The following GRHL3 variants were observed in gnomAD, a reference collection of about 807,000 sequenced individuals.
GRHL3 encodes grainyhead-like protein 3 homolog.
In GRHL3, 20 loss-of-function variants were observed where a neutral mutation model predicts 70.3. The ratio of observed to expected loss-of-function variants is 0.28; its 90% CI spans 0.20 to 0.41. GRHL3 has a LOEUF of 0.41. GRHL3 is among the 10% of genes least tolerant of loss of function. GRHL3 has a pLI of 1.00. For synonymous variants in GRHL3, 299 were observed against 299.9 expected, an observed-to-expected ratio of 1.00 and a Z score of 0.03; for missense variants, 637 against 762.3, an observed-to-expected ratio of 0.84 and a Z score of 1.94.
In GRHL3 at chr1:24,342,824, G is replaced by A. The variant is rs763612065; in HGVS notation, c.1285+52G>A. The A allele has an allele frequency of 1.2e-6, 2 of 1,613,882 alleles. No homozygotes were observed. Among genetic ancestry groups the A allele is most frequent in the Non-Finnish European group, 1.7e-6 (2 of 1,179,728 alleles). ...GGCTCGGCTGGCGTGAAGGGGAGAA[G>A]GAGACCAGAGGTGGGAGGGACTTGA... On this transcript the variant is annotated intron_variant, in intron 10 of 15. Transcript: ENST00000361548. The surrounding 1 kb of genome is among the most constrained non-coding windows in gnomAD (Gnocchi z 4.8).
intron 15 of GRHL3, chr1:24,360,781 T>C: frequency 7.1e-7 from 1 of 1,408,308 alleles, no homozygotes; most frequent in Non-Finnish European, 9.6e-7. Context: ...CAATGGCATT[T>C]GATGACCCAA....
intron 15 of GRHL3, among the ~76,000 whole-genome samples, chr1:24,360,333 C>G: frequency 6.6e-6 from 1 of 152,148 alleles, no homozygotes; most frequent in East Asian, 1.9e-4. Flanking sequence ...CCTGTAATTC[C>G]AGCTACTTGG....
At chr1:24,353,786 G>A (rs76904385) in intron 15 of GRHL3, among the ~76,000 whole-genome samples, 4,944 of 152,248 alleles carry the variant, frequency 0.032, 98 homozygotes, top group Middle Eastern at 0.048. Context: ...TGAAGATTCC[G>A]TCTCTCTCAG....
At position 24,338,112 on chromosome 1, in the gene GRHL3, C is replaced by A; in HGVS notation, c.952+9C>A. ...GCGGGTCATTGACGTGGGTGAGAGC[C>A]TTCTCAAGCCTCCATTCCAGCTCCC... On this transcript the variant is annotated intron_variant, in intron 7 of 15. Coordinates refer to ENST00000361548, the MANE Select transcript of GRHL3 (RefSeq NM_198173.3). 6.4e-7 allele frequency: 1 copy of A among 1,565,690 alleles called. No homozygotes were observed. The highest frequency in any genetic ancestry group is 8.7e-7 in the Non-Finnish European group (1 of 1,147,888).
In GRHL3 at chr1:24,336,719, T is replaced by C. The variant is rs1422437452; in HGVS notation, c.504T>C (p.Thr168=). The part of the protein sequence containing the change: ...GSVDSYLLPT[T]DMYDNGSLNS... ...TGGACAGCTACCTGTTACCCACCAC[T>C]GATATGTATGATAATGGCTCCCTCA... is the stretch of plus-strand genomic sequence containing the variant. The change falls in exon 4 of 16, where the codon ACT becomes ACC. Residue 168 remains threonine (T), a synonymous_variant. Transcript: ENST00000361548. 2.5e-6 allele frequency: 4 copies of C among 1,613,990 alleles called. No individual in the cohort carries two copies. The highest frequency in any genetic ancestry group is 1.7e-5 in the Admixed American group (1 of 60,006).
At chr1:24,330,040 G>A (rs781518391) in intron 1 of GRHL3, among the ~76,000 whole-genome samples, 1 of 152,186 alleles carries the variant, frequency 6.6e-6, no homozygotes, top group Non-Finnish European at 1.5e-5. Context: ...AGACACTCCA[G>A]GGGTGGGGCC....
rs373187060 is a variant in GRHL3 at position 24,339,749 on chromosome 1, A to G, written c.1034A>G (p.Asn345Ser). ...GCACTGTCCTTTGTGTGGAACGTGA[A>G]TGAAGAGGCCAAGGTCAGTGCTGAG... is the stretch of plus-strand genomic sequence containing the variant. ...YNALSFVWNV[N>S]EEAKVFIGVN... is the part of the protein sequence containing the mutation. The change falls in exon 8 of 16, where the codon AAT becomes AGT. Residue 345 changes from asparagine (N) to serine (S), a missense_variant. Transcript: ENST00000361548. 3 of 1,611,696 alleles carry G rather than the reference A, an allele frequency of 1.9e-6. No individual in the cohort carries two copies. The highest frequency in any genetic ancestry group is 2.7e-5 in the African/African-American group (2 of 74,904).
chr1:24,319,628 C>T lies in GRHL3; in HGVS notation c.17+60C>T, dbSNP rs1639102924. 12 of 1,612,882 alleles carry T rather than the reference C, an allele frequency of 7.4e-6. No individual in the cohort carries two copies. In the South Asian group the frequency reaches 9.9e-5, roughly 13 times the overall value. ...GAGCGTGGAGGCTGGATGGGGTTTC[C>T]TGGAGGGGGAAGAGCGGGGAGGCCG... On this transcript the variant is annotated intron_variant, in intron 1 of 15. Coordinates refer to ENST00000361548, the MANE Select transcript of GRHL3 (RefSeq NM_198173.3).
At position 24,342,954 on chromosome 1, in the gene GRHL3, A is replaced by G. The variant is rs1640106488; in HGVS notation, c.1348A>G (p.Thr450Ala). The G allele has an allele frequency of 3.1e-6, 5 of 1,613,884 alleles. No individual in the cohort carries two copies. The highest frequency in any genetic ancestry group is 4.2e-6 in the Non-Finnish European group (5 of 1,180,006). The stretch of plus-strand genomic sequence containing the variant: ...TGAGACGACCTACCTTCGGCCAGAG[A>G]CTGACCTGGAGACGCCACCCGTGCT... ...GNETTYLRPE[T>A]DLETPPVLFI... Residue 450 changes from threonine to alanine, a missense_variant, in exon 11 of 16, where the codon ACT (threonine) becomes GCT (alanine). Physicochemically the swap from Thr to Ala is moderately conservative, Grantham distance 58. Transcript: ENST00000361548. The surrounding 1 kb of genome is among the most constrained non-coding windows in gnomAD (Gnocchi z 4.8).
rs1639881653 is a variant in GRHL3, at chr1:24,337,794, G to A, written c.840+5G>A. Reference sequence around the variant, plus strand: ...TTGTCCTCCAACAAAGTCAAGGTGCGTTGGCCTGGAGCAGCTTCAGAAGGG... The same window carrying A: ...TTGTCCTCCAACAAAGTCAAGGTGCATTGGCCTGGAGCAGCTTCAGAAGGG... On this transcript the variant is annotated splice_donor_5th_base_variant and intron_variant, in intron 6 of 15. Coordinates refer to ENST00000361548, the MANE Select transcript of GRHL3 (RefSeq NM_198173.3). 6.2e-6 allele frequency: 10 copies of A among 1,614,012 alleles called. No homozygotes were observed. Among genetic ancestry groups the A allele is most frequent in the Admixed American group, 5.0e-5 (3 of 60,008 alleles).
At chr1:24,329,123 C>T (rs977842263) in intron 1 of GRHL3, among the ~76,000 whole-genome samples, 2 of 152,212 alleles carry the variant, frequency 1.3e-5, no homozygotes, top group Admixed American at 6.5e-5. Flanking sequence ...CTCCCGCTCT[C>T]CGCACCCCTA....
chr1:24,360,441 G>A (rs780261657), intron 15 of GRHL3, among the ~76,000 whole-genome samples: 20 of 152,042 alleles, frequency 1.3e-4, no homozygotes, highest in East Asian at 1.9e-4. Flanking sequence ...GCGAGACTCC[G>A]TCTCAAAAAA....
At chr1:24,350,945 A>G (rs936219960) in intron 15 of GRHL3, among the ~76,000 whole-genome samples, 8 of 152,224 alleles carry the variant, frequency 5.3e-5, no homozygotes, top group Non-Finnish European at 8.8e-5. Context: ...TCCCCTGGTC[A>G]GAGCTAGTGA....
intron 15 of GRHL3, 135 bp downstream of exon 15, chr1:24,350,257 C>T: frequency 1.6e-6 from 1 of 636,476 alleles, no homozygotes; most frequent in South Asian, 2.1e-5. Flanking sequence ...CCACTGGTCA[C>T]CTCTCCATCT....
intron 2 of GRHL3, among the ~76,000 whole-genome samples, chr1:24,333,647 AG>A (rs1047429130): frequency 1.3e-5 from 2 of 152,006 alleles, no homozygotes; most frequent in Non-Finnish European, 2.9e-5. Context: ...AGGAATGGAG[AG>A]GTTAAGGGAC....
At chr1:24,360,451 A>T (rs1641031933) in intron 15 of GRHL3, among the ~76,000 whole-genome samples, 1 of 152,230 alleles carries the variant, frequency 6.6e-6, no homozygotes, top group South Asian at 2.1e-4. Flanking sequence ...GTCTCAAAAA[A>T]ATAAAAGTAA....
intron 8 of GRHL3, among the ~76,000 whole-genome samples, chr1:24,340,508 C>T (rs1006727893): frequency 1.3e-5 from 2 of 152,192 alleles, no homozygotes; most frequent in African/African-American, 4.8e-5. Context: ...GCATGGGCCT[C>T]GCTGTGTCTT....
intron 13 of GRHL3, 51 bp downstream of exon 13, chr1:24,346,692 C>T: frequency 2.2e-6 from 3 of 1,393,610 alleles, no homozygotes; most frequent in South Asian, 1.2e-5. Flanking sequence ...CAGCTCCCAC[C>T]TCCCTCATGG....
chr1:24,319,499 A>G lies in GRHL3; in HGVS notation c.-53A>G. 1 of 1,512,630 alleles carries G rather than the reference A, an allele frequency of 6.6e-7. No homozygotes were observed. Among genetic ancestry groups the G allele is most frequent in the Non-Finnish European group, 9.2e-7 (1 of 1,087,718 alleles). 93.7% of individuals were successfully genotyped at this position (1,512,630 alleles called of 1,614,324 possible). A position where few individuals can be genotyped will look rare whatever the true frequency, so the allele number is the denominator to read the frequency against. ...TGTCTGTGTCAGGCAAGAATTAGAG[A>G]CAAGCGGTCAGCAGAGCCTCAGTGC... On this transcript the variant is annotated 5_prime_UTR_variant, in exon 1 of 16. Transcript: ENST00000361548.
Sources: allele counts gnomAD v4.1 joint callset (sites outside exome capture counted in the v4.1 genomes callset), GRCh38; gene constraint gnomAD v4.1.1; non-coding constraint Gnocchi (gnomAD v3.1); transcripts MANE v1.5; gene names NCBI Gene and HGNC (gene_info 2026-07-23, HGNC 2026-07-21).